ZFAT: variants seen among roughly 807,000 people sequenced by gnomAD.
The protein encoded by ZFAT is zinc finger and AT-hook domain containing.
ZFAT carries 64 observed loss-of-function variants against 117.7 expected under a neutral mutation model. That is an observed-to-expected ratio of 0.54 (90% CI 0.44 to 0.67). The LOEUF (loss-of-function observed/expected upper bound fraction) is 0.67. ZFAT is among the 30% of genes least tolerant of loss of function. The pLI is 0.00. For missense variants in ZFAT, 1,433 were observed against 1,584.5 expected (o/e 0.90, Z 1.62); for synonymous variants, 679 against 615.0 (o/e 1.10, Z -1.54).
At chr8:134,568,645 A>T (rs1188379100) in intron 10 of ZFAT, among the ~76,000 whole-genome samples, 7 of 152,212 alleles carry the variant, frequency 4.6e-5, no homozygotes, top group Non-Finnish European at 1.0e-4. Context: ...CCTTTTATGG[A>T]TGTACTTCCA....
intron 15 of ZFAT, among the ~76,000 whole-genome samples, chr8:134,487,565 G>C (rs6988616): frequency 0.43 from 64,916 of 152,022 alleles, 14,616 homozygotes; most frequent in Middle Eastern, 0.5. Flanking sequence ...ACCTTCAAAA[G>C]AAAAGCCAAG....
Position 134,565,268 on chromosome 8 carries a change from C to G in ZFAT, c.2976+65G>C. ...AACAATGAAAGAATGCTCTCTCCAT[C>G]TTCACTTTGAAAAGCAACGCCTTTT... On this transcript the variant is annotated intron_variant, in intron 11 of 15. Transcript: ENST00000377838. The G allele has an allele frequency of 3.1e-6, 5 of 1,607,176 alleles. No individual in the cohort carries two copies. In the South Asian group the frequency reaches 5.5e-5, roughly 18 times the overall value.
chr8:134,767,991 G>T, the ZFAT span, among the ~76,000 whole-genome samples: 2 of 152,104 alleles, frequency 1.3e-5, no homozygotes, highest in Non-Finnish European at 1.5e-5. Flanking sequence ...TATTATTTAA[G>T]ATCTTACTCT....
intron 6 of ZFAT, 147 bp downstream of exon 6, chr8:134,601,330 C>T (rs951252625): frequency 3.2e-6 from 4 of 1,238,858 alleles, no homozygotes; most frequent in African/African-American, 1.5e-5. Context: ...AACGGCCACA[C>T]AGGGTCACCG....
At chr8:134,825,349 C>T in the ZFAT span, among the ~76,000 whole-genome samples, 1 of 152,226 alleles carries the variant, frequency 6.6e-6, no homozygotes, top group African/African-American at 2.4e-5. Flanking sequence ...TTTCTCTTTA[C>T]CTTTACCCCC....
At chr8:134,805,473 C>T in the ZFAT span, among the ~76,000 whole-genome samples, 1 of 152,118 alleles carries the variant, frequency 6.6e-6, no homozygotes, top group African/African-American at 2.4e-5. Context: ...CTGTCTCCAG[C>T]TGATTTAGGT....
At chr8:134,742,742 T>A in the ZFAT span, among the ~76,000 whole-genome samples, 5 of 152,212 alleles carry the variant, frequency 3.3e-5, no homozygotes, top group African/African-American at 1.2e-4. Context: ...CCTGCTCTAG[T>A]CCTTCTGGTC....
At chr8:134,744,727 C>CATTTTTT in the ZFAT span, among the ~76,000 whole-genome samples, 1 of 103,518 alleles carries the variant, frequency 9.7e-6, no homozygotes, top group African/African-American at 3.8e-5. Flanking sequence ...GCCTACTCTC[C>CATTTTTT]TTTTTTTTTT....
chr8:134,544,125 G>T (rs540445586), intron 11 of ZFAT, among the ~76,000 whole-genome samples: 202 of 152,222 alleles, frequency 1.3e-3, no homozygotes, highest in Non-Finnish European at 2.1e-3. Flanking sequence ...CCAGGAAGTT[G>T]TAAGTTCTTC....
chr8:134,712,745 C>A, intron 1 of ZFAT, 100 bp downstream of exon 1: 3 of 1,222,860 alleles, frequency 2.5e-6, no homozygotes, highest in Non-Finnish European at 3.2e-6. Flanking sequence ...GGCCGGCGGC[C>A]GGCGCACTGC....
chr8:134,721,031 G>A, the ZFAT span, among the ~76,000 whole-genome samples: 2 of 152,328 alleles, frequency 1.3e-5, no homozygotes, highest in Non-Finnish European at 2.9e-5. Context: ...GCTGGGGCCT[G>A]GAAACATGAG....
At chr8:134,740,566 G>C in the ZFAT span, among the ~76,000 whole-genome samples, 2 of 151,546 alleles carry the variant, frequency 1.3e-5, no homozygotes, top group African/African-American at 2.4e-5. Context: ...TTTTTTTTCT[G>C]TTGTCATGTC....
intron 2 of ZFAT, among the ~76,000 whole-genome samples, chr8:134,656,966 T>A (rs917474143): frequency 3.9e-5 from 6 of 152,228 alleles, no homozygotes; most frequent in African/African-American, 1.4e-4. Flanking sequence ...ACGCTGACTG[T>A]GAACCCAAAG....
chr8:134,588,138 T>C, intron 9 of ZFAT, 108 bp downstream of exon 9: 1 of 1,310,690 alleles, frequency 7.6e-7, no homozygotes, highest in Non-Finnish European at 1.0e-6. Flanking sequence ...CTAAGGAAAT[T>C]CTAACAGCAG....
chr8:134,499,463 CCG>C, intron 15 of ZFAT, among the ~76,000 whole-genome samples: 2 of 147,222 alleles, frequency 1.4e-5, no homozygotes, highest in African/African-American at 5.1e-5. Context: ...TGGGATGCCC[CCG>C]TTGCTGGTTA....
At chr8:134,685,133 C>A (rs902202183) in intron 1 of ZFAT, among the ~76,000 whole-genome samples, 4 of 152,146 alleles carry the variant, frequency 2.6e-5, no homozygotes, top group Non-Finnish European at 5.9e-5. Context: ...TCCTGTGAAA[C>A]AGCCCAGTAC....
the ZFAT span, among the ~76,000 whole-genome samples, chr8:134,830,026 T>C: frequency 6.6e-6 from 1 of 152,192 alleles, no homozygotes; most frequent in African/African-American, 2.4e-5. Flanking sequence ...CAAATCACTT[T>C]CCCATGTGTT....
At chr8:134,517,856 TAAG>T (rs1207298767) in intron 13 of ZFAT, among the ~76,000 whole-genome samples, 12 of 152,192 alleles carry the variant, frequency 7.9e-5, no homozygotes, top group African/African-American at 2.9e-4. Context: ...AGATTTCAGT[TAAG>T]AATACCATGA....
At chr8:134,678,397 A>G (rs894658278) in intron 1 of ZFAT, among the ~76,000 whole-genome samples, 1 of 152,184 alleles carries the variant, frequency 6.6e-6, no homozygotes, top group Non-Finnish European at 1.5e-5. Flanking sequence ...GATGTGAAGG[A>G]CCTCTTCAAG....
Sources: allele counts gnomAD v4.1 joint callset (sites outside exome capture counted in the v4.1 genomes callset), GRCh38; gene constraint gnomAD v4.1.1; transcripts MANE v1.5; gene names NCBI Gene and HGNC (gene_info 2026-07-23, HGNC 2026-07-21).